HS6ST3: variants seen among roughly 807,000 people sequenced by gnomAD.
HS6ST3 encodes the protein heparan sulfate 6-O-sulfotransferase 3, also known as heparan-sulfate 6-O-sulfotransferase 3.
A neutral mutation model predicts 36.7 loss-of-function variants in HS6ST3; 12 were observed. The observed-to-expected ratio is 0.33, with a 90% confidence interval of 0.21 to 0.53. The LOEUF (loss-of-function observed/expected upper bound fraction) is 0.53. HS6ST3 is among the 20% of genes least tolerant of loss of function. The pLI is 0.95. For synonymous variants in HS6ST3, 240 were observed against 257.5 expected, an observed-to-expected ratio of 0.93 and a Z score of 0.65; for missense variants, 584 against 640.9, an observed-to-expected ratio of 0.91 and a Z score of 0.96.
In HS6ST3 at chr13:96,657,235, T is replaced by C. The variant is rs1379899385; in HGVS notation, c.708-175255T>C. 2.6e-5 allele frequency among the ~76,000 whole-genome samples: 4 copies of C among 152,054 alleles called. No homozygotes were observed. The South Asian group carries it at 6.2e-4, about 24-fold the overall frequency. On this transcript the variant is annotated intron_variant, in intron 1 of 1. Coordinates refer to ENST00000376705, the MANE Select transcript of HS6ST3 (RefSeq NM_153456.4). ...AGAAATTTTAAAAAGAAAAAAGATA[T>C]TGTCTTACCAACCTAGAACTCATTC...
chr13:96,365,762 A>G (rs1359359769), intron 1 of HS6ST3, among the ~76,000 whole-genome samples: 1 of 152,204 alleles, frequency 6.6e-6, no homozygotes, highest in Non-Finnish European at 1.5e-5. Context: ...CAGACTAGGA[A>G]CCATATGTTC....
intron 1 of HS6ST3, among the ~76,000 whole-genome samples, chr13:96,524,465 G>T (rs2138929858): frequency 6.6e-6 from 1 of 152,326 alleles, no homozygotes; most frequent in East Asian, 1.9e-4. Flanking sequence ...CCTGCCCCCA[G>T]AGGTGGAATC....
At chr13:96,243,093 C>T (rs1158988698) in intron 1 of HS6ST3, among the ~76,000 whole-genome samples, 3 of 152,142 alleles carry the variant, frequency 2.0e-5, no homozygotes, top group African/African-American at 4.8e-5. Flanking sequence ...AACATGTGAT[C>T]GATACAAACA....
chr13:96,332,645 A>G (rs1217989048), intron 1 of HS6ST3, among the ~76,000 whole-genome samples: 1 of 152,202 alleles, frequency 6.6e-6, no homozygotes, highest in Admixed American at 6.5e-5. Flanking sequence ...AGTACTGCTC[A>G]ATCTGTGAAT....
At chr13:96,196,484 G>A (rs139003964) in intron 1 of HS6ST3, among the ~76,000 whole-genome samples, 6 of 152,254 alleles carry the variant, frequency 3.9e-5, no homozygotes, top group East Asian at 3.9e-4. Context: ...GCCCTATACC[G>A]TGGGTATTGA....
At chr13:96,589,573 A>G (rs2056375327) in intron 1 of HS6ST3, among the ~76,000 whole-genome samples, 1 of 151,434 alleles carries the variant, frequency 6.6e-6, no homozygotes, top group Non-Finnish European at 1.5e-5. Flanking sequence ...CCTTCTTATA[A>G]CCTCTGGCTT....
chr13:96,369,530 A>G (rs1460204991), intron 1 of HS6ST3, among the ~76,000 whole-genome samples: 1 of 152,198 alleles, frequency 6.6e-6, no homozygotes, highest in East Asian at 1.9e-4. Context: ...CTAGAGAAAG[A>G]AGATGCTGCA....
intron 1 of HS6ST3, among the ~76,000 whole-genome samples, chr13:96,448,677 G>A (rs995068): frequency 0.51 from 77,826 of 151,646 alleles, 20,311 homozygotes; most frequent in South Asian, 0.6. Flanking sequence ...CTCCTCATCC[G>A]CTTGACTGTC....
chr13:96,673,863 T>C (rs987039096), intron 1 of HS6ST3, among the ~76,000 whole-genome samples: 12 of 152,302 alleles, frequency 7.9e-5, no homozygotes, highest in Admixed American at 6.5e-5. Flanking sequence ...TTAAATTAGA[T>C]TTTGAACTTT....
intron 1 of HS6ST3, among the ~76,000 whole-genome samples, chr13:96,161,851 C>CA (rs2054137303): frequency 1.3e-5 from 2 of 152,098 alleles, no homozygotes; most frequent in African/African-American, 4.8e-5. Flanking sequence ...GGAAGGCTTC[C>CA]ATCATGAAAG....
intron 1 of HS6ST3, among the ~76,000 whole-genome samples, chr13:96,600,799 G>A (rs1424090966): frequency 6.6e-6 from 1 of 151,940 alleles, no homozygotes; most frequent in Non-Finnish European, 1.5e-5. Context: ...TTATACTGGT[G>A]TGTAATGACC....
intron 1 of HS6ST3, among the ~76,000 whole-genome samples, chr13:96,315,354 AAAC>A (rs1338842476): frequency 6.6e-6 from 1 of 152,204 alleles, no homozygotes; most frequent in Non-Finnish European, 1.5e-5. Flanking sequence ...TTTGCAGAAT[AAAC>A]AAAAATAAAT....
At chr13:96,157,491 A>G (rs1352979463) in intron 1 of HS6ST3, among the ~76,000 whole-genome samples, 3 of 152,228 alleles carry the variant, frequency 2.0e-5, no homozygotes, top group Non-Finnish European at 4.4e-5. Flanking sequence ...CATTTCAGAA[A>G]GCAATGAAGT....
chr13:96,121,633 G>A (rs2139306486), intron 1 of HS6ST3, among the ~76,000 whole-genome samples: 2 of 152,316 alleles, frequency 1.3e-5, no homozygotes, highest in Middle Eastern at 6.8e-3. Flanking sequence ...GTTTCTTCCT[G>A]GTAGCAGTGG....
chr13:96,504,373 G>T (rs2056017678), intron 1 of HS6ST3, among the ~76,000 whole-genome samples: 1 of 152,040 alleles, frequency 6.6e-6, no homozygotes, highest in African/African-American at 2.4e-5. Flanking sequence ...GTGAATAAGG[G>T]TAAGTTTTTG....
intron 1 of HS6ST3, among the ~76,000 whole-genome samples, chr13:96,754,136 C>A (rs909006187): frequency 8.5e-5 from 13 of 152,082 alleles, no homozygotes; most frequent in Non-Finnish European, 1.6e-4. Context: ...TTTTTTGATC[C>A]AAGTTTTTGG....
intron 1 of HS6ST3, among the ~76,000 whole-genome samples, chr13:96,102,986 G>A (rs1252156731): frequency 3.9e-5 from 6 of 151,924 alleles, no homozygotes; most frequent in Non-Finnish European, 7.4e-5. Flanking sequence ...AAATTTTATC[G>A]GTACGTGTTT....
At chr13:96,786,998 AC>A (rs1248467285) in intron 1 of HS6ST3, among the ~76,000 whole-genome samples, 7 of 152,196 alleles carry the variant, frequency 4.6e-5, no homozygotes, top group Middle Eastern at 3.4e-3. Flanking sequence ...ATTTGAAATG[AC>A]CTTTTTTCAC....
chr13:96,124,879 C>T (rs76267433), intron 1 of HS6ST3, among the ~76,000 whole-genome samples: 3,059 of 152,214 alleles, frequency 0.02, 88 homozygotes, highest in African/African-American at 0.068. Context: ...ACCAATGATA[C>T]GCCACCCCTG....
Sources: allele counts gnomAD v4.1 joint callset (sites outside exome capture counted in the v4.1 genomes callset), GRCh38; gene constraint gnomAD v4.1.1; transcripts MANE v1.5; gene names NCBI Gene and HGNC (gene_info 2026-07-23, HGNC 2026-07-21).